The following PGLYRP4 variants were observed in gnomAD, a reference collection of about 807,000 sequenced individuals.
PGLYRP4 encodes PGRP-I-beta.
Under a neutral mutation model 41.2 loss-of-function variants are expected in PGLYRP4, and 39 were observed. That is an observed-to-expected ratio of 0.95 (90% CI 0.73 to 1.24). The LOEUF (loss-of-function observed/expected upper bound fraction) is 1.24. PGLYRP4 is among the 50% of genes most tolerant of loss of function. The pLI is 0.00. For synonymous variants in PGLYRP4, 202 were observed against 186.8 expected (o/e 1.08, Z -0.66); for missense variants, 467 against 460.7 (o/e 1.01, Z -0.13).
chr1:153,340,283 G>T, intron 7 of PGLYRP4, 98 bp downstream of exon 7: 2 of 1,064,128 alleles, frequency 1.9e-6, no homozygotes, highest in South Asian at 1.4e-5. Context: ...CTCCTATGGT[G>T]ACTACCCAGT....
At chr1:153,348,016 T>G in intron 1 of PGLYRP4, 38 bp from the exon 2 acceptor site, 1 of 1,146,666 alleles carries the variant, frequency 8.7e-7, no homozygotes, top group South Asian at 1.3e-5. Context: ...ATGACCATTC[T>G]CAATCTGCAG....
intron 3 of PGLYRP4, among the ~76,000 whole-genome samples, 195 bp downstream of exon 3, chr1:153,345,907 G>A (rs1334726445): frequency 1.3e-5 from 2 of 152,160 alleles, no homozygotes; most frequent in East Asian, 1.9e-4. Flanking sequence ...TGGGTTTCTA[G>A]CCCTCCAGCA....
chr1:153,343,860 G>A (rs1571140496), intron 4 of PGLYRP4, among the ~76,000 whole-genome samples: 2 of 152,138 alleles, frequency 1.3e-5, no homozygotes, highest in African/African-American at 2.4e-5. Flanking sequence ...CAGCTCAGGC[G>A]CAGAGAGGGG....
At chr1:153,343,056 C>T in intron 5 of PGLYRP4, 34 bp downstream of exon 5, 1 of 1,344,666 alleles carries the variant, frequency 7.4e-7, no homozygotes, top group Non-Finnish European at 1.1e-6. Flanking sequence ...GATTAGAGAA[C>T]TCTTTGGAGA....
chr1:153,343,009 G>A (rs2101573221), intron 5 of PGLYRP4, 81 bp downstream of exon 5: 2 of 795,786 alleles, frequency 2.5e-6, no homozygotes, highest in South Asian at 3.0e-5. Flanking sequence ...CAGAGTAGCA[G>A]ATAGCTAGTT....
Position 153,330,704 on chromosome 1 carries a change from G to T in PGLYRP4, c.*63C>A. On this transcript the variant is annotated 3_prime_UTR_variant, in exon 9 of 9. Coordinates refer to ENST00000359650, the MANE Select transcript of PGLYRP4 (RefSeq NM_020393.4). ...CAAAAGGTGTTGAGCCAAGCTGGAT[G>T]GTTAGGACAGGAGAGACCTGACAGG... is the stretch of plus-strand genomic sequence containing the variant. The T allele has an allele frequency of 6.9e-7, 1 of 1,443,002 alleles. No homozygotes were observed. The highest frequency in any genetic ancestry group is 1.2e-5 in the South Asian group (1 of 82,762). The allele number at this position is 1,443,002 out of a possible 1,614,324, so 89.4% of individuals were successfully genotyped here. A position where few individuals can be genotyped will look rare whatever the true frequency, so the allele number is the denominator to read the frequency against.
chr1:153,347,368 T>C (rs6587738), intron 2 of PGLYRP4, among the ~76,000 whole-genome samples: 1 of 151,628 alleles, frequency 6.6e-6, no homozygotes, highest in Non-Finnish European at 1.5e-5. Flanking sequence ...TTTGTTTGTT[T>C]GTTGGTTTGT....
intron 8 of PGLYRP4, 63 bp from the exon 9 acceptor site, chr1:153,331,008 C>T: frequency 7.3e-7 from 1 of 1,366,464 alleles, no homozygotes; most frequent in Admixed American, 2.0e-5. Flanking sequence ...TAGAACATAT[C>T]CCCAGAACCC....
At chr1:153,331,689 G>A (rs1571122231) in intron 8 of PGLYRP4, 1 of 152,536 alleles carries the variant, frequency 6.6e-6, no homozygotes, top group African/African-American at 2.4e-5. Context: ...GGCCCCTGAA[G>A]TAGGATGACA....
chr1:153,348,737 C>CA lies in PGLYRP4; in HGVS notation c.-257dup, dbSNP rs1232275991. ...ATGGAGCACTCGGGCTCTAGCTTCC[C>CA]AGAGAGAAGAGAGCCCAGGATCCCT... On this transcript the variant is annotated 5_prime_UTR_variant, in exon 1 of 9. Transcript: ENST00000359650. 2.2e-5 allele frequency: 1 copy of CA among 46,400 alleles called. No individual in the cohort carries two copies. The highest frequency in any genetic ancestry group is 5.5e-5 in the Non-Finnish European group (1 of 18,286). 2.9% of individuals were successfully genotyped at this position (46,400 alleles called of 1,614,324 possible). A position where few individuals can be genotyped will look rare whatever the true frequency, so the allele number is the denominator to read the frequency against.
rs1660305522 is a variant in PGLYRP4 at position 153,330,822 on chromosome 1, G to A, written c.1067C>T (p.Ser356Phe). The stretch of plus-strand genomic sequence containing the variant: ...GATGTTGTACAAAGCCTGCCCAGGA[G>A]ACAAGGTTCGGGCCACATCACTGTG... ...VGHSDVARTLSPGQALYNIIS... is the reference protein window; with the variant it reads ...VGHSDVARTLFPGQALYNIIS... Residue 356 changes from serine (S) to phenylalanine (F), a missense_variant, in exon 9 of 9, where the codon TCT (serine) becomes TTT (phenylalanine). Ser to Phe is a radical substitution (Grantham distance 155, BLOSUM62 -2). Coordinates refer to ENST00000359650, the MANE Select transcript of PGLYRP4 (RefSeq NM_020393.4). 1 of 1,614,078 alleles carries A rather than the reference G, an allele frequency of 6.2e-7. No individual in the cohort carries two copies.
chr1:153,331,378 AT>A (rs143861459), intron 8 of PGLYRP4, among the ~76,000 whole-genome samples: 1,552 of 152,290 alleles, frequency 0.01, 31 homozygotes, highest in African/African-American at 0.035. Context: ...CTGAGCCAAA[AT>A]ATCAATTGTA....
At chr1:153,338,227 A>G (rs1321654881) in intron 7 of PGLYRP4, among the ~76,000 whole-genome samples, 1 of 152,000 alleles carries the variant, frequency 6.6e-6, no homozygotes, top group Non-Finnish European at 1.5e-5. Flanking sequence ...CCACTCGTTA[A>G]CCCAGGCTTG....
chr1:153,334,468 T>TA (rs1275488427), intron 8 of PGLYRP4, among the ~76,000 whole-genome samples: 120 of 142,520 alleles, frequency 8.4e-4, no homozygotes, highest in South Asian at 7.7e-3. Flanking sequence ...ATATATTTAT[T>TA]TATATATATT....
Position 153,343,262 on chromosome 1 carries a change from G to C in PGLYRP4, c.354-54C>G, listed in dbSNP as rs1660874163. 5.6e-6 allele frequency: 7 copies of C among 1,243,444 alleles called. No individual in the cohort carries two copies. In the South Asian group the frequency reaches 7.5e-5, roughly 13 times the overall value. The allele number at this position is 1,243,444 out of a possible 1,614,324, so 77.0% of individuals were successfully genotyped here. A position where few individuals can be genotyped will look rare whatever the true frequency, so the allele number is the denominator to read the frequency against. ...GGCTGGCACTGTAGGACATTCCTGA[G>C]AGGTGAAACCACTTACCCAGCCTCA... is the stretch of plus-strand genomic sequence containing the variant. On this transcript the variant is annotated intron_variant, in intron 4 of 8. Coordinates refer to ENST00000359650, the MANE Select transcript of PGLYRP4 (RefSeq NM_020393.4).
chr1:153,341,884 G>A, intron 5 of PGLYRP4, 105 bp from the exon 6 acceptor site: 1 of 1,021,490 alleles, frequency 9.8e-7, no homozygotes, highest in Non-Finnish European at 1.4e-6. Context: ...CTGATGGAGA[G>A]GAAGAAAAGG....
rs76408875 is a variant in PGLYRP4 at position 153,331,498 on chromosome 1, C to T, written c.944-553G>A. On this transcript the variant is annotated intron_variant, in intron 8 of 8. Coordinates refer to ENST00000359650, the MANE Select transcript of PGLYRP4 (RefSeq NM_020393.4). ...CACAGTCCTGGTTCACCCCATCCCC[C>T]GACCCAATGCCCATTTTAGTATGGG... 7.8e-3 allele frequency: 1,192 copies of T among 152,530 alleles called. 36 individuals are homozygous for T. The East Asian group carries it at 0.11, about 14-fold the overall frequency. 9.4% of individuals were successfully genotyped at this position (152,530 alleles called of 1,614,324 possible). A position where few individuals can be genotyped will look rare whatever the true frequency, so the allele number is the denominator to read the frequency against.
intron 5 of PGLYRP4, among the ~76,000 whole-genome samples, chr1:153,342,417 C>T (rs1660838068): frequency 6.6e-6 from 1 of 152,202 alleles, no homozygotes; most frequent in African/African-American, 2.4e-5. Flanking sequence ...ACCCAGACTG[C>T]ACCTCTGCAC....
At chr1:153,339,408 G>A (rs1660700753) in intron 7 of PGLYRP4, among the ~76,000 whole-genome samples, 3 of 152,326 alleles carry the variant, frequency 2.0e-5, no homozygotes, top group African/African-American at 7.2e-5. Context: ...CCAGAGAGGG[G>A]AGAGACAGTC....
Sources: gnomAD v4.1 joint callset for allele counts (sites outside exome capture counted in the v4.1 genomes callset) on GRCh38, gnomAD v4.1.1 for gene constraint, MANE v1.5 for transcripts, NCBI Gene and HGNC (gene_info 2026-07-23, HGNC 2026-07-21) for gene names.